The following ST3GAL1 variants were observed in gnomAD, a reference collection of about 807,000 sequenced individuals.
ST3GAL1 encodes the protein ST3 beta-galactoside alpha-2,3-sialyltransferase 1, also known as CMP-N-acetylneuraminate-beta-galactosamide-alpha-2,3-sialyltransferase 1.
In ST3GAL1, 16 loss-of-function variants were observed where a neutral mutation model predicts 34.1. The ratio of observed to expected loss-of-function variants is 0.47; its 90% CI spans 0.32 to 0.71. The LOEUF is 0.71. ST3GAL1 is among the 30% of genes least tolerant of loss of function. The probability of loss-of-function intolerance (pLI) is 0.04; values close to 1 mark genes in which losing one functional copy is unlikely to be tolerated. For synonymous variants in ST3GAL1, 191 were observed against 184.7 expected, an observed-to-expected ratio of 1.03 and a Z score of -0.28; for missense variants, 353 against 447.4, an observed-to-expected ratio of 0.79 and a Z score of 1.90.
intron 1 of ST3GAL1, among the ~76,000 whole-genome samples, chr8:133,560,068 A>C (rs1054402593): frequency 1.1e-4 from 16 of 152,228 alleles, no homozygotes; most frequent in Non-Finnish European, 8.8e-5. Flanking sequence ...GGCTATAGTA[A>C]ACAAGGATTT....
chr8:133,534,607 A>G (rs1818253834), intron 2 of ST3GAL1, among the ~76,000 whole-genome samples: 1 of 152,226 alleles, frequency 6.6e-6, no homozygotes, highest in Non-Finnish European at 1.5e-5. Flanking sequence ...GTGGATAGCA[A>G]AGTGAAAGGA....
intron 5 of ST3GAL1, among the ~76,000 whole-genome samples, chr8:133,470,698 G>A (rs1815919477): frequency 6.6e-6 from 1 of 152,260 alleles, no homozygotes; most frequent in Admixed American, 6.5e-5. Context: ...GAGAAGCAAG[G>A]CAGGAGAAGG....
Position 133,459,771 on chromosome 8 carries a change from C to T in ST3GAL1, c.1016G>A (p.Gly339Glu). 1 of 1,611,564 alleles carries T rather than the reference C, an allele frequency of 6.2e-7. No homozygotes were observed. The highest frequency in any genetic ancestry group is 8.5e-7 in the Non-Finnish European group (1 of 1,178,520). Residue 339 changes from glycine to glutamate, a missense_variant, in exon 10 of 10, where the codon GGG becomes GAG. Physicochemically the swap from Gly to Glu is moderately conservative, Grantham distance 98. Transcript: ENST00000522652. The surrounding 1 kb of genome is among the most constrained non-coding windows in gnomAD (Gnocchi z 4.7). The part of the protein sequence containing the change: ...ASINKIRIFK[G>E]R ...CCTCAGCCCTTCACTGCGTCATCTC[C>T]CCTTGAAGATCCGGATTTTATTGAT...
In ST3GAL1 at chr8:133,467,409, G is replaced by C. The variant is rs1815785654; in HGVS notation, c.307-1319C>G. Among the ~76,000 whole-genome samples the C allele has an allele frequency of 6.6e-6, 1 of 152,212 alleles. No homozygotes were observed. Among genetic ancestry groups the C allele is most frequent in the African/African-American group, 2.4e-5 (1 of 41,444 alleles). ...CCTGGAGAGATTTCATAAAAGTGTT[G>C]CATCTGACCTTGTCCCCATGCCACA... On this transcript the variant is annotated intron_variant, in intron 5 of 9. Transcript: ENST00000522652. This position sits in a 1 kb window ranked among gnomAD's most constrained non-coding sequence, Gnocchi z 4.2.
rs114550085 is a variant in ST3GAL1 at position 133,571,003 on chromosome 8, C to T, written c.-582+690G>A. Among the ~76,000 whole-genome samples, 1,480 of 152,380 alleles carry T rather than the reference C, an allele frequency of 9.7e-3. 26 individuals carry two copies. Among genetic ancestry groups the T allele is most frequent in the African/African-American group, 0.034 (1,417 of 41,598 alleles). ...CTCCTTGGCCCACCCGCGTCCCCCACTGTCCGCCACGCCGCGTTCAGCTCT... is the reference window on the plus strand; with the variant it reads ...CTCCTTGGCCCACCCGCGTCCCCCATTGTCCGCCACGCCGCGTTCAGCTCT... On this transcript the variant is annotated intron_variant, in intron 1 of 9. Coordinates refer to ENST00000522652, the MANE Select transcript of ST3GAL1 (RefSeq NM_173344.3). This position sits in a 1 kb window ranked among gnomAD's most constrained non-coding sequence, Gnocchi z 6.7.
chr8:133,548,786 C>T (rs752592071), intron 1 of ST3GAL1, among the ~76,000 whole-genome samples: 2 of 152,204 alleles, frequency 1.3e-5, no homozygotes, highest in Non-Finnish European at 2.9e-5. Flanking sequence ...TCTCACTAGA[C>T]TGAGACTTCA....
chr8:133,524,563 T>C lies in ST3GAL1; in HGVS notation c.-429+21211A>G, dbSNP rs564231345. ...TTGTGCTCAGCTTATGCTACCAGCC[T>C]AGATCACACACCTGCTAAGGGCAAG... On this transcript the variant is annotated intron_variant, in intron 2 of 9. Coordinates refer to ENST00000522652, the MANE Select transcript of ST3GAL1 (RefSeq NM_173344.3). 5.9e-5 allele frequency among the ~76,000 whole-genome samples: 9 copies of C among 152,352 alleles called. No individual in the cohort carries two copies. In the South Asian group the frequency reaches 1.7e-3, roughly 28 times the overall value.
chr8:133,485,275 C>T (rs974749651), intron 3 of ST3GAL1, among the ~76,000 whole-genome samples: 9 of 152,218 alleles, frequency 5.9e-5, no homozygotes, highest in African/African-American at 1.2e-4. Flanking sequence ...GGCAGGTGGG[C>T]GAGGCAAGAG....
intron 2 of ST3GAL1, among the ~76,000 whole-genome samples, chr8:133,509,406 G>A (rs1817440673): frequency 6.6e-6 from 1 of 152,234 alleles, no homozygotes; most frequent in Non-Finnish European, 1.5e-5. Flanking sequence ...CACTTGACGG[G>A]AGACTCTGAG....
chr8:133,562,013 A>G (rs1819238567), intron 1 of ST3GAL1, among the ~76,000 whole-genome samples: 1 of 152,050 alleles, frequency 6.6e-6, no homozygotes, highest in African/African-American at 2.4e-5. Flanking sequence ...CTCAGCAGGC[A>G]GAAGTTGCAG....
chr8:133,480,139 TGCCAAATG>T (rs1486345838), intron 3 of ST3GAL1, among the ~76,000 whole-genome samples: 2 of 152,210 alleles, frequency 1.3e-5, no homozygotes, highest in African/African-American at 2.4e-5. Flanking sequence ...CCCTGTCCTC[TGCCAAATG>T]GCAGTCATTT....
chr8:133,464,718 G>C, intron 7 of ST3GAL1, 60 bp downstream of exon 7: 1 of 1,545,522 alleles, frequency 6.5e-7, no homozygotes, highest in Non-Finnish European at 8.8e-7. Flanking sequence ...GGCAGGGTGG[G>C]GGGACAGGGT....
chr8:133,538,715 C>G (rs1445861502), intron 2 of ST3GAL1, among the ~76,000 whole-genome samples: 2 of 152,174 alleles, frequency 1.3e-5, no homozygotes, highest in Non-Finnish European at 2.9e-5. Context: ...GTTAAAAACT[C>G]CTTGTGTGGC....
Position 133,455,865 on chromosome 8 carries a change from T to C in ST3GAL1, c.*3899A>G, listed in dbSNP as rs957154629. On this transcript the variant is annotated 3_prime_UTR_variant, in exon 10 of 10. Coordinates refer to ENST00000522652, the MANE Select transcript of ST3GAL1 (RefSeq NM_173344.3). Reference sequence around the variant, plus strand: ...ACATCCCAGTTCCAAATGTTCTTTGTGGTTTGAATCCTGGCAGAGGCCAGG... The same window carrying C: ...ACATCCCAGTTCCAAATGTTCTTTGCGGTTTGAATCCTGGCAGAGGCCAGG... 1.3e-5 allele frequency: 2 copies of C among 152,232 alleles called. No individual in the cohort carries two copies. Among genetic ancestry groups the C allele is most frequent in the Admixed American group, 1.3e-4 (2 of 15,290 alleles). 9.4% of individuals were successfully genotyped at this position (152,232 alleles called of 1,614,324 possible).
At chr8:133,492,233 G>T (rs1171177498) in intron 3 of ST3GAL1, among the ~76,000 whole-genome samples, 1 of 152,128 alleles carries the variant, frequency 6.6e-6, no homozygotes, top group Non-Finnish European at 1.5e-5. Context: ...ACCATGGAGA[G>T]ACTGAGATAC....
intron 2 of ST3GAL1, among the ~76,000 whole-genome samples, chr8:133,531,068 A>G (rs1818137270): frequency 6.6e-6 from 1 of 152,194 alleles, no homozygotes; most frequent in African/African-American, 2.4e-5. Context: ...CCCCAAACAC[A>G]GCAGTGGCTG....
At chr8:133,546,478 CA>C (rs10553471) in intron 1 of ST3GAL1, among the ~76,000 whole-genome samples, 31,505 of 114,582 alleles carry the variant, frequency 0.27, 3,455 homozygotes, top group Middle Eastern at 0.43. Context: ...GAGACTCCGT[CA>C]AAAAAAAAAA....
At chr8:133,478,203 A>T (rs1415539555) in intron 3 of ST3GAL1, among the ~76,000 whole-genome samples, 1 of 152,202 alleles carries the variant, frequency 6.6e-6, no homozygotes, top group African/African-American at 2.4e-5. Context: ...TCTGTAATTT[A>T]AGTAAGAATA....
Position 133,461,737 on chromosome 8 carries a change from C to T in ST3GAL1, c.849+138G>A, listed in dbSNP as rs1300954714. Reference sequence around the variant, plus strand: ...ACCCTGGGAGACACATGTTGCAAGTCCTGTCGTAGAGACAGGGAATCCGAG... The same window carrying T: ...ACCCTGGGAGACACATGTTGCAAGTTCTGTCGTAGAGACAGGGAATCCGAG... On this transcript the variant is annotated intron_variant, in intron 9 of 9. Coordinates refer to ENST00000522652, the MANE Select transcript of ST3GAL1 (RefSeq NM_173344.3). This position sits in a 1 kb window ranked among gnomAD's most constrained non-coding sequence, Gnocchi z 4.7. 9 of 1,247,472 alleles carry T rather than the reference C, an allele frequency of 7.2e-6. No individual in the cohort carries two copies. The highest frequency in any genetic ancestry group is 4.2e-5 in the Admixed American group (2 of 47,476). The allele number at this position is 1,247,472 out of a possible 1,614,324, so 77.3% of individuals were successfully genotyped here.
Sources: allele counts gnomAD v4.1 joint callset (sites outside exome capture counted in the v4.1 genomes callset), GRCh38; gene constraint gnomAD v4.1.1; non-coding constraint Gnocchi (gnomAD v3.1); transcripts MANE v1.5; gene names NCBI Gene and HGNC (gene_info 2026-07-23, HGNC 2026-07-21).